Variants in THADA observed in about 807,000 individuals in gnomAD.
THADA encodes tRNA (32-2'-O)-methyltransferase regulator THADA.
In THADA, 213 loss-of-function variants were observed where a neutral mutation model predicts 219.8. That is an observed-to-expected ratio of 0.97 (90% CI 0.87 to 1.09). The LOEUF (loss-of-function observed/expected upper bound fraction) is 1.09, where lower values mean the gene tolerates loss of function less well. Among genes scored for constraint, THADA ranks in the 50% least tolerant of loss-of-function variants. The probability of loss-of-function intolerance (pLI) is 0.00; values close to 1 mark genes in which losing one functional copy is unlikely to be tolerated. For missense variants in THADA, 2,956 were observed against 2,311.3 expected (o/e 1.28, Z -5.72); for synonymous variants, 1,018 against 828.9 (o/e 1.23, Z -3.92).
chr2:43,400,466 T>C (rs1055996964), intron 28 of THADA, among the ~76,000 whole-genome samples: 1 of 143,090 alleles, frequency 7.0e-6, no homozygotes, highest in Non-Finnish European at 1.5e-5. Flanking sequence ...TTTATATATA[T>C]ATATATATAT....
At chr2:43,511,729 A>C (rs1232450684) in intron 22 of THADA, among the ~76,000 whole-genome samples, 10 of 152,142 alleles carry the variant, frequency 6.6e-5, no homozygotes, top group Admixed American at 6.5e-4. Flanking sequence ...AACTGATGAA[A>C]CTTCCTCCAA....
rs561510926 is a variant in THADA, at chr2:43,589,860, TA to T, written c.302+963del. 7.1e-4 allele frequency among the ~76,000 whole-genome samples: 105 copies of T among 146,988 alleles called. 1 individual carries two copies. Among genetic ancestry groups the T allele is most frequent in the Non-Finnish European group, 8.1e-4 (54 of 66,260 alleles). On this transcript the variant is annotated intron_variant, in intron 4 of 37. Coordinates refer to ENST00000405975, the MANE Select transcript of THADA (RefSeq NM_022065.5). ...TTAAAATTTAAAAAAAAAGAATTCA[TA>T]AAAAAAAAAGGTTAAGACTGAGTTT...
At chr2:43,522,303 A>G (rs80077578) in intron 22 of THADA, among the ~76,000 whole-genome samples, 1,732 of 152,260 alleles carry the variant, frequency 0.011, 38 homozygotes, top group African/African-American at 0.039. Context: ...AACCTCCCTC[A>G]CCACTATCAT....
chr2:43,361,203 C>T (rs1323128365), intron 29 of THADA, among the ~76,000 whole-genome samples: 11 of 152,154 alleles, frequency 7.2e-5, no homozygotes, highest in Admixed American at 2.6e-4. Flanking sequence ...TATCATATCA[C>T]GGGCTTTGTA....
chr2:43,298,793 A>G lies in THADA; in HGVS notation c.4439-5580T>C, dbSNP rs111748130. Among the ~76,000 whole-genome samples, 83 of 152,142 alleles carry G rather than the reference A, an allele frequency of 5.5e-4. 1 individual carries two copies. Among genetic ancestry groups the G allele is most frequent in the African/African-American group, 1.9e-3 (78 of 41,520 alleles). On this transcript the variant is annotated intron_variant, in intron 31 of 37. Coordinates refer to ENST00000405975, the MANE Select transcript of THADA (RefSeq NM_022065.5). ...AGGGAATGAAGGCACTACCCCAAAG[A>G]AGGAGGAGATGGGGAGCAAGCATGC... is the stretch of plus-strand genomic sequence containing the variant.
chr2:43,348,613 A>G (rs1667908182), intron 29 of THADA, among the ~76,000 whole-genome samples: 1 of 152,094 alleles, frequency 6.6e-6, no homozygotes, highest in Non-Finnish European at 1.5e-5. Context: ...AGGAAAGGAT[A>G]CATCTGAGAG....
chr2:43,319,985 A>T (rs1315187646), intron 31 of THADA, among the ~76,000 whole-genome samples: 1 of 152,228 alleles, frequency 6.6e-6, no homozygotes, highest in Non-Finnish European at 1.5e-5. Flanking sequence ...ACCAAGAAAC[A>T]TGTGGAAAGT....
At chr2:43,301,559 G>A (rs949781688) in intron 31 of THADA, among the ~76,000 whole-genome samples, 2 of 152,212 alleles carry the variant, frequency 1.3e-5, no homozygotes, top group African/African-American at 4.8e-5. Context: ...GTCTCTAGGT[G>A]GAACAGAAGG....
At chr2:43,360,048 G>A (rs745830434) in intron 29 of THADA, among the ~76,000 whole-genome samples, 1 of 151,896 alleles carries the variant, frequency 6.6e-6, no homozygotes, top group Non-Finnish European at 1.5e-5. Flanking sequence ...TAATCAAAGT[G>A]CAATTATCAG....
intron 28 of THADA, among the ~76,000 whole-genome samples, chr2:43,412,234 C>T (rs113503367): frequency 9.9e-5 from 15 of 152,102 alleles, no homozygotes; most frequent in African/African-American, 2.9e-4. Context: ...TCTTACTCCC[C>T]GGCTTTCTTC....
At chr2:43,386,928 C>T (rs1204275829) in intron 29 of THADA, among the ~76,000 whole-genome samples, 1 of 149,858 alleles carries the variant, frequency 6.7e-6, no homozygotes, top group Non-Finnish European at 1.5e-5. Flanking sequence ...TAATTACTAT[C>T]TCCGTCATGT....
At chr2:43,415,264 G>C (rs757663482) in intron 28 of THADA, among the ~76,000 whole-genome samples, 1 of 152,154 alleles carries the variant, frequency 6.6e-6, no homozygotes, top group African/African-American at 2.4e-5. Flanking sequence ...TAATGGAGGA[G>C]GCATCTGAGA....
rs75123947 is a variant in THADA, at chr2:43,496,255, T to C, written c.3744+2578A>G. On this transcript the variant is annotated intron_variant, in intron 25 of 37. Transcript: ENST00000405975. ...ATTATTCTCCTTACTCTAGAAGACA[T>C]GATATAGGAAAACAAACTATAATGT... Among the ~76,000 whole-genome samples, 98 of 152,300 alleles carry C rather than the reference T, an allele frequency of 6.4e-4. No individual in the cohort carries two copies. In the East Asian group the frequency reaches 0.018, roughly 27 times the overall value.
chr2:43,445,292 T>C (rs986391811), intron 26 of THADA, among the ~76,000 whole-genome samples: 2 of 152,166 alleles, frequency 1.3e-5, no homozygotes, highest in African/African-American at 2.4e-5. Flanking sequence ...AAACAACTAA[T>C]AAAAAGAAAT....
Position 43,591,945 on chromosome 2 carries a change from G to T in THADA, c.171+7C>A. ...AGATGCATCCATGAATATCAATTCA[G>T]ACTTACCTGTTTAATATAATGGATT... On this transcript the variant is annotated splice_region_variant and intron_variant, in intron 3 of 37. Transcript: ENST00000405975. 6.6e-7 allele frequency: 1 copy of T among 1,508,962 alleles called. No homozygotes were observed. Among genetic ancestry groups the T allele is most frequent in the Middle Eastern group, 1.7e-4 (1 of 5,814 alleles). 93.5% of individuals were successfully genotyped at this position (1,508,962 alleles called of 1,614,324 possible). A position where few individuals can be genotyped will look rare whatever the true frequency, so the allele number is the denominator to read the frequency against.
At chr2:43,526,120 A>G (rs911909327) in intron 22 of THADA, among the ~76,000 whole-genome samples, 2 of 152,238 alleles carry the variant, frequency 1.3e-5, no homozygotes, top group African/African-American at 4.8e-5. Context: ...ATCTGTCAAT[A>G]GGGCAAATAC....
intron 26 of THADA, among the ~76,000 whole-genome samples, chr2:43,453,398 C>A (rs1682603498): frequency 6.6e-6 from 1 of 152,158 alleles, no homozygotes; most frequent in East Asian, 1.9e-4. Flanking sequence ...GGAAAGCCAG[C>A]ATTTGGTAGA....
intron 26 of THADA, among the ~76,000 whole-genome samples, chr2:43,474,079 A>C (rs1001771140): frequency 3.9e-5 from 6 of 152,188 alleles, no homozygotes; most frequent in Admixed American, 6.5e-5. Context: ...TCATTGACTG[A>C]AATGTTATGT....
intron 36 of THADA, among the ~76,000 whole-genome samples, chr2:43,271,970 T>A (rs1256513054): frequency 1.3e-5 from 2 of 152,212 alleles, no homozygotes. Context: ...AATAAAATTA[T>A]GCAGATAATT....
Sources: gnomAD v4.1 joint callset for allele counts (sites outside exome capture counted in the v4.1 genomes callset) on GRCh38, gnomAD v4.1.1 for gene constraint, MANE v1.5 for transcripts, NCBI Gene and HGNC (gene_info 2026-07-23, HGNC 2026-07-21) for gene names.